The following CSMD1 variants were observed in gnomAD, a reference collection of about 807,000 sequenced individuals.
CSMD1 encodes CUB and sushi domain-containing protein 1.
In CSMD1, 213 loss-of-function variants were observed where a neutral mutation model predicts 417.5. That is an observed-to-expected ratio of 0.51 (90% CI 0.46 to 0.57). CSMD1 has a LOEUF of 0.57. CSMD1 is among the 20% of genes least tolerant of loss of function. The probability of loss-of-function intolerance (pLI) is 0.00; values close to 1 mark genes in which losing one functional copy is unlikely to be tolerated. For missense variants in CSMD1, 6,923 were observed against 4,529.7 expected (o/e 1.53, Z -15.17); for synonymous variants, 2,862 against 1,736.8 (o/e 1.65, Z -16.11).
intron 1 of CSMD1, among the ~76,000 whole-genome samples, chr8:4,712,773 G>A (rs1808392702): frequency 6.6e-6 from 1 of 151,974 alleles, no homozygotes; most frequent in Admixed American, 6.6e-5. Context: ...TTTCTTTTGG[G>A]ACCACTGCCT....
At chr8:4,904,772 A>T (rs2117058843) in intron 1 of CSMD1, among the ~76,000 whole-genome samples, 1 of 152,260 alleles carries the variant, frequency 6.6e-6, no homozygotes, top group Non-Finnish European at 1.5e-5. Flanking sequence ...ATATGTAAAA[A>T]CTTCAGCAGT....
chr8:2,954,210 T>A lies in CSMD1; in HGVS notation c.10039+14A>T. On this transcript the variant is annotated intron_variant, in intron 65 of 69. Transcript: ENST00000635120. ...TTATTGGATTGAAATCTAGAACTGT[T>A]CTGGTATACAAACCTGGAGTTTTAG... 1.4e-6 allele frequency: 2 copies of A among 1,455,256 alleles called. No homozygotes were observed. Among genetic ancestry groups the A allele is most frequent in the East Asian group, 2.5e-5 (1 of 40,030 alleles). 90.1% of individuals were successfully genotyped at this position (1,455,256 alleles called of 1,614,324 possible). A position where few individuals can be genotyped will look rare whatever the true frequency, so the allele number is the denominator to read the frequency against.
At chr8:4,094,515 C>CTTT (rs1800897279) in intron 3 of CSMD1, among the ~76,000 whole-genome samples, 1 of 152,170 alleles carries the variant, frequency 6.6e-6, no homozygotes, top group Non-Finnish European at 1.5e-5. Flanking sequence ...GTGGAGGAAT[C>CTTT]TAACTTTCAG....
At chr8:3,528,969 G>A (rs900206947) in intron 10 of CSMD1, among the ~76,000 whole-genome samples, 5 of 152,152 alleles carry the variant, frequency 3.3e-5, no homozygotes, top group African/African-American at 1.2e-4. Context: ...AAGTATGACA[G>A]TTGATATACA....
chr8:4,845,005 C>G (rs1033315336), intron 1 of CSMD1, among the ~76,000 whole-genome samples: 2 of 152,134 alleles, frequency 1.3e-5, no homozygotes, highest in Admixed American at 6.5e-5. Context: ...ATCATTTTCA[C>G]ATAATACTTA....
chr8:3,616,120 AT>A (rs764344970), intron 8 of CSMD1, among the ~76,000 whole-genome samples: 11 of 152,202 alleles, frequency 7.2e-5, no homozygotes, highest in Non-Finnish European at 1.5e-4. Flanking sequence ...ATCTTTAAAC[AT>A]TAAAAGAATT....
chr8:3,576,410 C>G (rs900518311), intron 9 of CSMD1, among the ~76,000 whole-genome samples: 26 of 152,100 alleles, frequency 1.7e-4, no homozygotes, highest in African/African-American at 6.0e-4. Flanking sequence ...TAGGAACTGT[C>G]CTCTTTCTGC....
chr8:4,517,932 C>G (rs1441842902), intron 2 of CSMD1, among the ~76,000 whole-genome samples: 1 of 152,102 alleles, frequency 6.6e-6, no homozygotes, highest in Non-Finnish European at 1.5e-5. Context: ...ATGACATTTC[C>G]ATGTTTTAAT....
intron 49 of CSMD1, among the ~76,000 whole-genome samples, chr8:3,059,310 G>C (rs892373115): frequency 8.0e-5 from 12 of 150,380 alleles, no homozygotes; most frequent in African/African-American, 2.9e-4. Flanking sequence ...AAAAACACGA[G>C]GGCTTCTGTC....
chr8:4,862,132 G>A (rs1446562149), intron 1 of CSMD1, among the ~76,000 whole-genome samples: 1 of 152,012 alleles, frequency 6.6e-6, no homozygotes, highest in Admixed American at 6.6e-5. Context: ...AGGGTCTGGG[G>A]ACAAGGAGGC....
chr8:3,380,776 G>C (rs1190250449), intron 18 of CSMD1, among the ~76,000 whole-genome samples: 1 of 151,980 alleles, frequency 6.6e-6, no homozygotes, highest in African/African-American at 2.4e-5. Flanking sequence ...AGCATTAGAA[G>C]AAATACCTAA....
At chr8:3,610,999 G>A (rs938312277) in intron 8 of CSMD1, among the ~76,000 whole-genome samples, 1 of 147,030 alleles carries the variant, frequency 6.8e-6, no homozygotes, top group African/African-American at 2.5e-5. Context: ...ACCAAACACC[G>A]CATGTTCTCA....
At chr8:4,250,003 T>C (rs900538638) in intron 3 of CSMD1, among the ~76,000 whole-genome samples, 22 of 152,100 alleles carry the variant, frequency 1.4e-4, no homozygotes, top group South Asian at 6.2e-4. Flanking sequence ...GGGAAGTGTT[T>C]AGGTCATAAG....
chr8:3,324,151 CAG>C (rs1360335656), intron 23 of CSMD1, among the ~76,000 whole-genome samples: 5 of 144,886 alleles, frequency 3.5e-5, no homozygotes, highest in African/African-American at 1.3e-4. Flanking sequence ...ATCTAACACC[CAG>C]AGACTCGGGA....
chr8:4,419,744 A>T (rs543347582), intron 3 of CSMD1, among the ~76,000 whole-genome samples: 120 of 152,210 alleles, frequency 7.9e-4, no homozygotes, highest in Non-Finnish European at 9.0e-4. Flanking sequence ...TTCTAGTGAT[A>T]AGAAGAAAAT....
At chr8:3,568,210 G>A (rs940252683) in intron 10 of CSMD1, among the ~76,000 whole-genome samples, 12 of 152,102 alleles carry the variant, frequency 7.9e-5, no homozygotes, top group Non-Finnish European at 1.8e-4. Flanking sequence ...CAAAACAATT[G>A]TTGTGGATGT....
At chr8:4,294,997 A>T (rs1585176706) in intron 3 of CSMD1, among the ~76,000 whole-genome samples, 1 of 149,834 alleles carries the variant, frequency 6.7e-6, no homozygotes, top group Non-Finnish European at 1.5e-5. Flanking sequence ...CCTGATCTGA[A>T]CCCAATCTAA....
intron 7 of CSMD1, among the ~76,000 whole-genome samples, chr8:3,674,010 G>A (rs1294992958): frequency 6.6e-6 from 1 of 152,178 alleles, no homozygotes; most frequent in Non-Finnish European, 1.5e-5. Context: ...CCCAGCCACT[G>A]TGGGAGAATA....
intron 1 of CSMD1, among the ~76,000 whole-genome samples, chr8:4,876,522 T>C (rs568834124): frequency 6.6e-6 from 1 of 152,262 alleles, no homozygotes; most frequent in Admixed American, 6.5e-5. Context: ...GTGTAAACAT[T>C]TAAGCAAATC....
Sources: gnomAD v4.1 joint callset for allele counts (sites outside exome capture counted in the v4.1 genomes callset) on GRCh38, gnomAD v4.1.1 for gene constraint, MANE v1.5 for transcripts, NCBI Gene and HGNC (gene_info 2026-07-23, HGNC 2026-07-21) for gene names.